PRND: variants seen among roughly 807,000 people sequenced by gnomAD.
PRND encodes the protein prion like protein doppel, also known as prion-like protein doppel.
For synonymous variants in PRND, 94 were observed against 93.2 expected (o/e 1.01, Z -0.05); for missense variants, 227 against 223.3 (o/e 1.02, Z -0.11).
chr20:4,725,820 A>G lies in PRND; in HGVS notation c.*738A>G, dbSNP rs1472144679. 2 of 166,950 alleles carry G rather than the reference A, an allele frequency of 1.2e-5. No individual in the cohort carries two copies. The highest frequency in any genetic ancestry group is 2.9e-5 in the Non-Finnish European group (2 of 68,152). The allele number at this position is 166,950 out of a possible 1,614,324, so 10.3% of individuals were successfully genotyped here. On this transcript the variant is annotated 3_prime_UTR_variant, in exon 2 of 2. Coordinates refer to ENST00000305817, the MANE Select transcript of PRND (RefSeq NM_012409.4). ...GAAGCTGATTCCCAGAGCAGACCAC[A>G]TATACAGCAGGATGTGCCTGTGGCA...
Position 4,724,469 on chromosome 20 carries a change from T to C in PRND, c.-11-72T>C. 2 of 1,568,034 alleles carry C rather than the reference T, an allele frequency of 1.3e-6. No individual in the cohort carries two copies. The highest frequency in any genetic ancestry group is 1.8e-6 in the Non-Finnish European group (2 of 1,140,580). ...ATGCGATTCCTTCCTTAAAATCTCC[T>C]GCACTTGGGAGGGGGCAGGGGAGCC... On this transcript the variant is annotated intron_variant, in intron 1 of 1. Coordinates refer to ENST00000305817, the MANE Select transcript of PRND (RefSeq NM_012409.4). The surrounding 1 kb of genome is among the most constrained non-coding windows in gnomAD (Gnocchi z 4.8).
chr20:4,722,543 G>A (rs1052120055), intron 1 of PRND, among the ~76,000 whole-genome samples: 1 of 151,896 alleles, frequency 6.6e-6, no homozygotes, highest in Non-Finnish European at 1.5e-5. Flanking sequence ...GAGATGACTG[G>A]ATGTGCTTCT....
At position 4,728,316 on chromosome 20, in the gene PRND, T is replaced by G. The variant is rs779641326; in HGVS notation, c.*3234T>G. ...CTCTTTGGAACAACAGCTATCTAGA[T>G]AGCTGACTCATTCTTTTGGATTGCT... On this transcript the variant is annotated 3_prime_UTR_variant, in exon 2 of 2. Coordinates refer to ENST00000305817, the MANE Select transcript of PRND (RefSeq NM_012409.4). 4 of 167,142 alleles carry G rather than the reference T, an allele frequency of 2.4e-5. No individual in the cohort carries two copies. Among genetic ancestry groups the G allele is most frequent in the African/African-American group, 4.8e-5 (2 of 41,482 alleles). The allele number at this position is 167,142 out of a possible 1,614,324, so 10.4% of individuals were successfully genotyped here.
In PRND at chr20:4,724,524, C is replaced by T. The variant is rs373798794; in HGVS notation, c.-11-17C>T. The T allele has an allele frequency of 2.8e-5, 45 of 1,613,600 alleles. No homozygotes were observed. The African/African-American group carries it at 3.3e-4, about 12-fold the overall frequency. ...CAGGCCTGGTGGGGAGCTGACCCAC[C>T]GCCGTTTCTCTGGCAGGTTCTGACG... is the stretch of plus-strand genomic sequence containing the variant. On this transcript the variant is annotated splice_polypyrimidine_tract_variant and intron_variant, in intron 1 of 1. Coordinates refer to ENST00000305817, the MANE Select transcript of PRND (RefSeq NM_012409.4). The surrounding 1 kb of genome is among the most constrained non-coding windows in gnomAD (Gnocchi z 4.8).
rs184448336 is a variant in PRND at position 4,726,393 on chromosome 20, T to C, written c.*1311T>C. ...ATCATCTCTGTAAACCACTTGTCAC[T>C]ACAAAAATACAATTACTCACCAAAA... On this transcript the variant is annotated 3_prime_UTR_variant, in exon 2 of 2. Coordinates refer to ENST00000305817, the MANE Select transcript of PRND (RefSeq NM_012409.4). 408 of 167,026 alleles carry C rather than the reference T, an allele frequency of 2.4e-3. 2 individuals carry two copies. Among genetic ancestry groups the C allele is most frequent in the Middle Eastern group, 0.02 (6 of 296 alleles). 10.3% of individuals were successfully genotyped at this position (167,026 alleles called of 1,614,324 possible).
At position 4,725,075 on chromosome 20, in the gene PRND, T is replaced by G. The variant is rs1256202323; in HGVS notation, c.524T>G (p.Val175Gly). Residue 175 changes from valine (V) to glycine (G), a missense_variant, in exon 2 of 2, where the codon GTG (valine) becomes GGG (glycine). Val to Gly is a moderately radical substitution (Grantham distance 109). Transcript: ENST00000305817. Reference sequence around the variant, plus strand: ...CTTCTGGCTTTGATCTGGCTCACGGTGAAATAAGCTTGCCAGGAGGCTGGC... The same window carrying G: ...CTTCTGGCTTTGATCTGGCTCACGGGGAAATAAGCTTGCCAGGAGGCTGGC... ...LCLLALIWLT[V>G]K The G allele has an allele frequency of 1.2e-6, 2 of 1,612,502 alleles. No individual in the cohort carries two copies. Among genetic ancestry groups the G allele is most frequent in the Non-Finnish European group, 1.7e-6 (2 of 1,179,700 alleles).
rs1923311860 is a variant in PRND, at chr20:4,727,589, A to G, written c.*2507A>G. On this transcript the variant is annotated 3_prime_UTR_variant, in exon 2 of 2. Coordinates refer to ENST00000305817, the MANE Select transcript of PRND (RefSeq NM_012409.4). ...AATATAAGTTTATTGTAAAAGTGACATGAAAATTACAACAGATATTCCAGA... is the reference window on the plus strand; with the variant it reads ...AATATAAGTTTATTGTAAAAGTGACGTGAAAATTACAACAGATATTCCAGA... The G allele has an allele frequency of 6.0e-6, 1 of 167,114 alleles. No individual in the cohort carries two copies. The highest frequency in any genetic ancestry group is 2.4e-5 in the African/African-American group (1 of 41,464). 10.4% of individuals were successfully genotyped at this position (167,114 alleles called of 1,614,324 possible).
chr20:4,725,274 C>G lies in PRND; in HGVS notation c.*192C>G. 1.5e-6 allele frequency: 1 copy of G among 670,574 alleles called. No homozygotes were observed. The highest frequency in any genetic ancestry group is 2.8e-5 in the East Asian group (1 of 36,182). The allele number at this position is 670,574 out of a possible 1,614,324, so 41.5% of individuals were successfully genotyped here. On this transcript the variant is annotated 3_prime_UTR_variant, in exon 2 of 2. Transcript: ENST00000305817. ...TCTGATAGATGGGGGACTGTGGCTT[C>G]TCCGTCACTCCATTCTCAGCCCCTA... is the stretch of plus-strand genomic sequence containing the variant.
Position 4,725,242 on chromosome 20 carries a change from C to A in PRND, c.*160C>A, listed in dbSNP as rs562889327. 2.3e-6 allele frequency: 2 copies of A among 874,888 alleles called. No individual in the cohort carries two copies. The highest frequency in any genetic ancestry group is 1.7e-5 in the African/African-American group (1 of 58,046). 54.2% of individuals were successfully genotyped at this position (874,888 alleles called of 1,614,324 possible). A position where few individuals can be genotyped will look rare whatever the true frequency, so the allele number is the denominator to read the frequency against. ...TCTCACGTATGCGCCCTGGTATGTG[C>A]CTGCGTTCTGATAGATGGGGGACTG... On this transcript the variant is annotated 3_prime_UTR_variant, in exon 2 of 2. Transcript: ENST00000305817.
Position 4,724,551 on chromosome 20 carries a change from G to A in PRND, c.-1G>A, listed in dbSNP as rs781043104. 9.9e-6 allele frequency: 16 copies of A among 1,613,920 alleles called. No individual in the cohort carries two copies. The highest frequency in any genetic ancestry group is 7.7e-5 in the South Asian group (7 of 91,072). On this transcript the variant is annotated 5_prime_UTR_variant, in exon 2 of 2. Coordinates refer to ENST00000305817, the MANE Select transcript of PRND (RefSeq NM_012409.4). This position sits in a 1 kb window ranked among gnomAD's most constrained non-coding sequence, Gnocchi z 4.8. ...CCGTTTCTCTGGCAGGTTCTGACGCGATGAGGAAGCACCTGAGCTGGTGGT... is the reference window on the plus strand; with the variant it reads ...CCGTTTCTCTGGCAGGTTCTGACGCAATGAGGAAGCACCTGAGCTGGTGGT...
rs1267672143 is a variant in PRND at position 4,724,232 on chromosome 20, T to A, written c.-11-309T>A. On this transcript the variant is annotated intron_variant, in intron 1 of 1. Coordinates refer to ENST00000305817, the MANE Select transcript of PRND (RefSeq NM_012409.4). The surrounding 1 kb of genome is among the most constrained non-coding windows in gnomAD (Gnocchi z 4.8). ...TTGGGAGTATCAAAGAAAACCTACA[T>A]GTATTAAGTCACCACTCCTTTATTT... 6.6e-6 allele frequency among the ~76,000 whole-genome samples: 1 copy of A among 152,068 alleles called. No homozygotes were observed. The highest frequency in any genetic ancestry group is 2.4e-5 in the African/African-American group (1 of 41,390).
rs116348581 is a variant in PRND at position 4,725,247 on chromosome 20, G to A, written c.*165G>A. The stretch of plus-strand genomic sequence containing the variant: ...CGTATGCGCCCTGGTATGTGCCTGC[G>A]TTCTGATAGATGGGGGACTGTGGCT... On this transcript the variant is annotated 3_prime_UTR_variant, in exon 2 of 2. Transcript: ENST00000305817. 4.5e-4 allele frequency: 378 copies of A among 830,838 alleles called. 4 individuals carry two copies. The highest frequency in any genetic ancestry group is 4.4e-3 in the African/African-American group (252 of 57,194). The allele number at this position is 830,838 out of a possible 1,614,324, so 51.5% of individuals were successfully genotyped here.
intron 1 of PRND, among the ~76,000 whole-genome samples, chr20:4,723,096 G>A (rs954625944): frequency 4.6e-5 from 7 of 152,136 alleles, no homozygotes; most frequent in Admixed American, 1.3e-4. Flanking sequence ...AGCTCAGGGG[G>A]CATCATACCC....
chr20:4,727,524 C>T lies in PRND; in HGVS notation c.*2442C>T, dbSNP rs1024769545. The T allele has an allele frequency of 1.2e-5, 2 of 166,996 alleles. No homozygotes were observed. The highest frequency in any genetic ancestry group is 2.9e-5 in the Non-Finnish European group (2 of 68,118). The allele number at this position is 166,996 out of a possible 1,614,324, so 10.3% of individuals were successfully genotyped here. A position where few individuals can be genotyped will look rare whatever the true frequency, so the allele number is the denominator to read the frequency against. On this transcript the variant is annotated 3_prime_UTR_variant, in exon 2 of 2. Transcript: ENST00000305817. ...TTTGCAGTGTGCATAATTTTGCCAACCGTTGCTTTCGTAGCCCCTGCTAAG... is the reference window on the plus strand; with the variant it reads ...TTTGCAGTGTGCATAATTTTGCCAATCGTTGCTTTCGTAGCCCCTGCTAAG...
rs1027563944 is a variant in PRND at position 4,726,401 on chromosome 20, T to A, written c.*1319T>A. On this transcript the variant is annotated 3_prime_UTR_variant, in exon 2 of 2. Transcript: ENST00000305817. ...TGTAAACCACTTGTCACTACAAAAA[T>A]ACAATTACTCACCAAAAAGCTTTAA... is the stretch of plus-strand genomic sequence containing the variant. The A allele has an allele frequency of 1.8e-5, 3 of 166,994 alleles. No individual in the cohort carries two copies. The highest frequency in any genetic ancestry group is 7.2e-5 in the African/African-American group (3 of 41,408). 10.3% of individuals were successfully genotyped at this position (166,994 alleles called of 1,614,324 possible). A position where few individuals can be genotyped will look rare whatever the true frequency, so the allele number is the denominator to read the frequency against.
At chr20:4,723,999 C>CAT (rs1923180851) in intron 1 of PRND, among the ~76,000 whole-genome samples, 9 of 139,718 alleles carry the variant, frequency 6.4e-5, no homozygotes, top group East Asian at 2.1e-4. Flanking sequence ...TGTACATATA[C>CAT]GTATATATAT....
chr20:4,725,106 A>G lies in PRND; in HGVS notation c.*24A>G, dbSNP rs1923224983. 6.2e-7 allele frequency: 1 copy of G among 1,605,324 alleles called. No homozygotes were observed. The highest frequency in any genetic ancestry group is 8.5e-7 in the Non-Finnish European group (1 of 1,176,034). The stretch of plus-strand genomic sequence containing the variant: ...AAGCTTGCCAGGAGGCTGGCAGTAC[A>G]GAGTGCAGCAGCGAGCAAATCCTGG... On this transcript the variant is annotated 3_prime_UTR_variant, in exon 2 of 2. Coordinates refer to ENST00000305817, the MANE Select transcript of PRND (RefSeq NM_012409.4).
chr20:4,723,617 C>T (rs1252852997), intron 1 of PRND, among the ~76,000 whole-genome samples: 1 of 152,134 alleles, frequency 6.6e-6, no homozygotes, highest in Non-Finnish European at 1.5e-5. Context: ...CAAGACAGTG[C>T]CAGCTCAGAG....
chr20:4,722,529 T>C (rs1004381319), intron 1 of PRND, among the ~76,000 whole-genome samples: 4 of 151,460 alleles, frequency 2.6e-5, no homozygotes, highest in African/African-American at 9.7e-5. Context: ...TTTGCAGGCT[T>C]CTAGAGATGA....
Sources: allele counts gnomAD v4.1 joint callset (sites outside exome capture counted in the v4.1 genomes callset), GRCh38; gene constraint gnomAD v4.1.1; non-coding constraint Gnocchi (gnomAD v3.1); transcripts MANE v1.5; gene names NCBI Gene and HGNC (gene_info 2026-07-23, HGNC 2026-07-21).